Variants in CRYGC observed in about 807,000 individuals in gnomAD.
CRYGC encodes the protein crystallin gamma C.
In CRYGC, 14 loss-of-function variants were observed where a neutral mutation model predicts 21.9. That is an observed-to-expected ratio of 0.64 (90% CI 0.42 to 1.00). The LOEUF (loss-of-function observed/expected upper bound fraction) is 1.00. Among genes scored for constraint, CRYGC ranks in the 50% least tolerant of loss-of-function variants. CRYGC has a pLI of 0.00. For missense variants in CRYGC, 235 were observed against 234.2 expected (o/e 1.00, Z -0.02); for synonymous variants, 96 against 89.8 (o/e 1.07, Z -0.39).
intron 2 of CRYGC, among the ~76,000 whole-genome samples, chr2:208,128,760 A>G (rs1262895423): frequency 1.3e-5 from 2 of 152,232 alleles, no homozygotes; most frequent in East Asian, 3.8e-4. Context: ...TCAAGAACTG[A>G]GATATCTTGA....
At chr2:208,128,827 T>C (rs1695042716) in intron 2 of CRYGC, among the ~76,000 whole-genome samples, 3 of 152,202 alleles carry the variant, frequency 2.0e-5, no homozygotes, top group Admixed American at 2.0e-4. Flanking sequence ...AGAAATAATT[T>C]ATTTTCACTA....
chr2:208,129,555 A>G lies in CRYGC; in HGVS notation c.138T>C (p.Tyr46=). The G allele has an allele frequency of 1.2e-6, 2 of 1,614,230 alleles. No individual in the cohort carries two copies. Among genetic ancestry groups the G allele is most frequent in the African/African-American group, 1.3e-5 (1 of 75,060 alleles). The change falls in exon 2 of 3, where the codon TAT becomes TAC. Residue 46 remains tyrosine, a synonymous_variant. Transcript: ENST00000282141. Reference sequence around the variant, plus strand: ...GTTGACCTTGGTAGTTGGGACGCTCATAGAGCATCCAGCAGCCGCTCTCCA... The same window carrying G: ...GTTGACCTTGGTAGTTGGGACGCTCGTAGAGCATCCAGCAGCCGCTCTCCA... ...IRVESGCWML[Y]ERPNYQGQQY...
At position 208,128,253 on chromosome 2, in the gene CRYGC, C is replaced by T. The variant is rs535355759; in HGVS notation, c.475G>A (p.Ala159Thr). ...AAAGAGCCTGCCTTAGCATCCATGGCCCCCCAGTCCTGGCACCGCCTGTAC... is the reference window on the plus strand; with the variant it reads ...AAAGAGCCTGCCTTAGCATCCATGGTCCCCCAGTCCTGGCACCGCCTGTAC... ...QEYRRCQDWGAMDAKAGSLRR... is the reference protein window; with the variant it reads ...QEYRRCQDWGTMDAKAGSLRR... Residue 159 changes from alanine (A) to threonine (T), a missense_variant, in exon 3 of 3, where the codon GCC becomes ACC. Ala to Thr is a moderately conservative substitution (Grantham distance 58). Coordinates refer to ENST00000282141, the MANE Select transcript of CRYGC (RefSeq NM_020989.4). The T allele has an allele frequency of 1.2e-6, 2 of 1,614,210 alleles. No homozygotes were observed. Among genetic ancestry groups the T allele is most frequent in the East Asian group, 2.2e-5 (1 of 44,890 alleles).
chr2:208,128,402 C>A lies in CRYGC; in HGVS notation c.326G>T (p.Cys109Phe). 6.2e-7 allele frequency: 1 copy of A among 1,614,182 alleles called. No individual in the cohort carries two copies. The part of the protein sequence containing the change: ...KGLMMELSED[C>F]PSIQDRFHLS... ...GTGGAAGCGGTCCTGGATGCTGGGG[C>A]AGTCTTCACTCAGCTCCATCATGAG... Residue 109 changes from cysteine (C) to phenylalanine (F), a missense_variant, in exon 3 of 3, where the codon TGC becomes TTC. Physicochemically the swap from Cys to Phe is radical, Grantham distance 205. Transcript: ENST00000282141.
rs755928652 is a variant in CRYGC at position 208,128,514 on chromosome 2, T to C, written c.253-39A>G. 8 of 1,613,112 alleles carry C rather than the reference T, an allele frequency of 5.0e-6. No individual in the cohort carries two copies. In the African/African-American group the frequency reaches 6.7e-5, roughly 13 times the overall value. On this transcript the variant is annotated intron_variant, in intron 2 of 2. Transcript: ENST00000282141. ...AGAAAGAAGGATGGAAAAAAGCAAA[T>C]GAGTCTCTTCCAGAATTTGTCCAAC...
In CRYGC at chr2:208,128,347, C is replaced by T. The variant is rs1695029654; in HGVS notation, c.381G>A (p.Leu127=). The T allele has an allele frequency of 4.3e-6, 7 of 1,614,082 alleles. No homozygotes were observed. The South Asian group carries it at 4.4e-5, about 10-fold the overall frequency. Residue 127 remains leucine, a synonymous_variant, in exon 3 of 3, where the codon CTG becomes CTA. Transcript: ENST00000282141. ...HLSEIRSLHV[L]EGCWVLYELP... is the part of the protein sequence containing the mutation. ...GCTCGTAGAGGACCCAGCAGCCCTCCAGCACGTGGAGGGAACGGATCTCGC... is the reference window on the plus strand; with the variant it reads ...GCTCGTAGAGGACCCAGCAGCCCTCTAGCACGTGGAGGGAACGGATCTCGC...
intron 2 of CRYGC, among the ~76,000 whole-genome samples, chr2:208,128,779 T>C (rs1458658205): frequency 6.6e-6 from 1 of 152,222 alleles, no homozygotes; most frequent in Admixed American, 6.5e-5. Context: ...GATTCCTAAT[T>C]ACCTGTGTTA....
In CRYGC at chr2:208,128,252, GC is replaced by G. The variant is rs1271901479; in HGVS notation, c.475del (p.Ala159ProfsTer20). ...CAAAGAGCCTGCCTTAGCATCCATG[GC>G]CCCCCAGTCCTGGCACCGCCTGTAC... ...QEYRRCQDWG[A>X]MDAKAGSLRR... On this transcript the variant is annotated frameshift_variant, in exon 3 of 3. Transcript: ENST00000282141. LOFTEE classifies it high-confidence loss of function. 1 of 1,614,020 alleles carries G rather than the reference GC, an allele frequency of 6.2e-7. No homozygotes were observed. The highest frequency in any genetic ancestry group is 8.5e-7 in the Non-Finnish European group (1 of 1,180,038).
chr2:208,128,277 A>G lies in CRYGC; in HGVS notation c.451T>C (p.Tyr151His), dbSNP rs1348565527. The G allele has an allele frequency of 1.2e-6, 2 of 1,613,976 alleles. No individual in the cohort carries two copies. Among genetic ancestry groups the G allele is most frequent in the Non-Finnish European group, 8.5e-7 (1 of 1,180,012 alleles). Residue 151 changes from tyrosine (Y) to histidine (H), a missense_variant, in exon 3 of 3, where the codon TAC becomes CAC. Tyr to His is a moderately conservative substitution (Grantham distance 83). Coordinates refer to ENST00000282141, the MANE Select transcript of CRYGC (RefSeq NM_020989.4). ...GCCCCCCAGTCCTGGCACCGCCTGT[A>G]CTCTTGGGGCCTCAGCAGGTATTGC... ...GRQYLLRPQEYRRCQDWGAMD... is the reference protein window; with the variant it reads ...GRQYLLRPQEHRRCQDWGAMD...
rs1475464440 is a variant in CRYGC, at chr2:208,128,215, C to T, written c.513G>A (p.Val171=). ...DAKAGSLRRV[V]DLY is the part of the protein sequence containing the mutation. ...GTGTTAAGCTATTTTAATACAAATC[C>T]ACCACTCTCCGCAAAGAGCCTGCCT... Residue 171 remains valine, a synonymous_variant, in exon 3 of 3, where the codon GTG becomes GTA. Transcript: ENST00000282141. 5 of 1,614,076 alleles carry T rather than the reference C, an allele frequency of 3.1e-6. No individual in the cohort carries two copies. The highest frequency in any genetic ancestry group is 4.2e-6 in the Non-Finnish European group (5 of 1,180,048).
At position 208,128,286 on chromosome 2, in the gene CRYGC, G is replaced by T. The variant is rs1695027340; in HGVS notation, c.442C>A (p.Pro148Thr). ...TCCTGGCACCGCCTGTACTCTTGGG[G>T]CCTCAGCAGGTATTGCCGCCCCCGG... ...NYRGRQYLLR[P>T]QEYRRCQDWG... Residue 148 changes from proline to threonine, a missense_variant, in exon 3 of 3, where the codon CCC (proline) becomes ACC (threonine). Transcript: ENST00000282141. 3 of 1,614,124 alleles carry T rather than the reference G, an allele frequency of 1.9e-6. No individual in the cohort carries two copies. Among genetic ancestry groups the T allele is most frequent in the Non-Finnish European group, 2.5e-6 (3 of 1,180,054 alleles).
rs757564058 is a variant in CRYGC, at chr2:208,129,447, G to A, written c.246C>T (p.Ile82=). ...LSDSIRSCCL[I]PQTVSHRLRL... is the part of the protein sequence containing the mutation. ...GGAAATCTAGAAAACTCACTTGGGG[G>A]ATGAGACAACAGGAGCGGATGGAGT... is the stretch of plus-strand genomic sequence containing the variant. Residue 82 remains isoleucine, a synonymous_variant, in exon 2 of 3, where the codon ATC becomes ATT. Transcript: ENST00000282141. The A allele has an allele frequency of 6.8e-6, 11 of 1,612,874 alleles. No individual in the cohort carries two copies. The highest frequency in any genetic ancestry group is 1.3e-5 in the African/African-American group (1 of 74,892).
intron 2 of CRYGC, 40 bp downstream of exon 2, chr2:208,129,401 T>C (rs772807273): frequency 2.5e-6 from 4 of 1,610,722 alleles, no homozygotes; most frequent in Middle Eastern, 2.2e-4. Context: ...GACAATACAG[T>C]GGGGACTCTG....
At position 208,128,238 on chromosome 2, in the gene CRYGC, C is replaced by T. The variant is rs955144233; in HGVS notation, c.490G>A (p.Ala164Thr). Residue 164 changes from alanine (A) to threonine (T), a missense_variant, in exon 3 of 3, where the codon GCA becomes ACA. Physicochemically the swap from Ala to Thr is moderately conservative, Grantham distance 58. Transcript: ENST00000282141. The part of the protein sequence containing the change: ...CQDWGAMDAK[A>T]GSLRRVVDLY ...TCCACCACTCTCCGCAAAGAGCCTGCCTTAGCATCCATGGCCCCCCAGTCC... is the reference window on the plus strand; with the variant it reads ...TCCACCACTCTCCGCAAAGAGCCTGTCTTAGCATCCATGGCCCCCCAGTCC... 6 of 1,614,132 alleles carry T rather than the reference C, an allele frequency of 3.7e-6. No homozygotes were observed. The African/African-American group carries it at 5.3e-5, about 14-fold the overall frequency.
In CRYGC at chr2:208,129,518, G is replaced by A. The variant is rs1469741282; in HGVS notation, c.175C>T (p.Arg59Trp). Residue 59 changes from arginine (R) to tryptophan (W), a missense_variant, in exon 2 of 3, where the codon CGG (arginine) becomes TGG (tryptophan). Transcript: ENST00000282141. Reference sequence around the variant, plus strand: ...TGGTAGTCGGGGTACTCCCCTCGCCGCAGCAAGTATTGTTGACCTTGGTAG... The same window carrying A: ...TGGTAGTCGGGGTACTCCCCTCGCCACAGCAAGTATTGTTGACCTTGGTAG... The part of the protein sequence containing the change: ...PNYQGQQYLL[R>W]RGEYPDYQQW... 25 of 1,614,168 alleles carry A rather than the reference G, an allele frequency of 1.5e-5. No homozygotes were observed. Among genetic ancestry groups the A allele is most frequent in the East Asian group, 8.9e-5 (4 of 44,882 alleles).
At position 208,128,280 on chromosome 2, in the gene CRYGC, C is replaced by T; in HGVS notation, c.448G>A (p.Glu150Lys). Residue 150 changes from glutamate (E) to lysine (K), a missense_variant, in exon 3 of 3, where the codon GAG becomes AAG. Transcript: ENST00000282141. ...RGRQYLLRPQ[E>K]YRRCQDWGAM... Reference sequence around the variant, plus strand: ...CCCCAGTCCTGGCACCGCCTGTACTCTTGGGGCCTCAGCAGGTATTGCCGC... The same window carrying T: ...CCCCAGTCCTGGCACCGCCTGTACTTTTGGGGCCTCAGCAGGTATTGCCGC... 6.2e-7 allele frequency: 1 copy of T among 1,614,246 alleles called. No individual in the cohort carries two copies.
At chr2:208,129,327 C>G in intron 2 of CRYGC, 114 bp downstream of exon 2, 2 of 1,446,306 alleles carry the variant, frequency 1.4e-6, no homozygotes, top group Non-Finnish European at 1.9e-6. Context: ...TTATTCAGGT[C>G]TCTGATGTCC....
At chr2:208,128,565 T>C (rs968324575) in intron 2 of CRYGC, 90 bp from the exon 3 acceptor site, 9 of 1,467,264 alleles carry the variant, frequency 6.1e-6, no homozygotes, top group Non-Finnish European at 7.6e-6. Context: ...CTTGGTAGGT[T>C]GTGGCATGGA....
Position 208,128,385 on chromosome 2 carries a change from G to A in CRYGC, c.343C>T (p.Arg115Cys), listed in dbSNP as rs376626721. ...GAACGGATCTCGCTGAGGTGGAAGCGGTCCTGGATGCTGGGGCAGTCTTCA... is the reference window on the plus strand; with the variant it reads ...GAACGGATCTCGCTGAGGTGGAAGCAGTCCTGGATGCTGGGGCAGTCTTCA... ...LSEDCPSIQD[R>C]FHLSEIRSLH... The change falls in exon 3 of 3, where the codon CGC (arginine) becomes TGC (cysteine). Residue 115 changes from arginine (R) to cysteine (C), a missense_variant. By Grantham distance (180) the Arg-to-Cys change is radical. Transcript: ENST00000282141. 4.3e-6 allele frequency: 7 copies of A among 1,614,044 alleles called. No homozygotes were observed. The highest frequency in any genetic ancestry group is 4.5e-5 in the East Asian group (2 of 44,888).
Sources: allele counts gnomAD v4.1 joint callset (sites outside exome capture counted in the v4.1 genomes callset), GRCh38; gene constraint gnomAD v4.1.1; transcripts MANE v1.5; gene names NCBI Gene and HGNC (gene_info 2026-07-23, HGNC 2026-07-21).